LYPLAL1: variants seen among roughly 807,000 people sequenced by gnomAD.
LYPLAL1 encodes the protein lysophospholipase like 1.
A neutral mutation model predicts 19.7 loss-of-function variants in LYPLAL1; 23 were observed. The observed-to-expected ratio is 1.17, with a 90% confidence interval of 0.84 to 1.65. LYPLAL1 has a LOEUF of 1.65. Ranked by LOEUF, LYPLAL1 falls within the 40% of genes most tolerant of loss-of-function variation. LYPLAL1 has a pLI of 0.00. For synonymous variants in LYPLAL1, 119 were observed against 96.3 expected (o/e 1.24, Z -1.38); for missense variants, 355 against 279.4 (o/e 1.27, Z -1.93).
the LYPLAL1 span, among the ~76,000 whole-genome samples, chr1:219,240,377 G>A: frequency 6.6e-6 from 1 of 151,928 alleles, no homozygotes; most frequent in African/African-American, 2.4e-5. Context: ...ACAGACCTAG[G>A]GTTTTATATA....
At chr1:219,258,779 T>A in the LYPLAL1 span, among the ~76,000 whole-genome samples, 3 of 152,006 alleles carry the variant, frequency 2.0e-5, no homozygotes, top group Admixed American at 1.3e-4. Flanking sequence ...TGGGCCTTAA[T>A]TAAACTAAAA....
chr1:219,425,217 A>G, the LYPLAL1 span, among the ~76,000 whole-genome samples: 1 of 152,136 alleles, frequency 6.6e-6, no homozygotes, highest in African/African-American at 2.4e-5. Flanking sequence ...GTCCACTTTC[A>G]TGACTTAATC....
the LYPLAL1 span, among the ~76,000 whole-genome samples, chr1:219,249,986 T>C: frequency 6.6e-6 from 1 of 152,002 alleles, no homozygotes; most frequent in Non-Finnish European, 1.5e-5. Context: ...TCACTCTCTT[T>C]GTGGTGTCTT....
At position 219,210,683 on chromosome 1, in the gene LYPLAL1, T is replaced by C. The variant is rs773943662; in HGVS notation, c.477+36T>C. The C allele has an allele frequency of 2.9e-5, 46 of 1,573,226 alleles. 1 individual carries two copies. In the South Asian group the frequency reaches 5.0e-4, roughly 17 times the overall value. On this transcript the variant is annotated intron_variant, in intron 4 of 4. Transcript: ENST00000366928. ...GATTTAAAAAAAAATGAAAAAAATA[T>C]GAAATATATACATGTTAAAACTAAA...
At chr1:219,259,123 G>A in the LYPLAL1 span, among the ~76,000 whole-genome samples, 1 of 152,006 alleles carries the variant, frequency 6.6e-6, no homozygotes, top group African/African-American at 2.4e-5. Context: ...ATAGGTGTTG[G>A]TGTGGATGTG....
the LYPLAL1 span, among the ~76,000 whole-genome samples, chr1:219,425,455 A>C: frequency 1.3e-5 from 2 of 152,160 alleles, no homozygotes; most frequent in African/African-American, 4.8e-5. Flanking sequence ...TCTATCCTCT[A>C]CTGGCTCTAA....
chr1:219,427,885 GT>G, the LYPLAL1 span, among the ~76,000 whole-genome samples: 1 of 152,160 alleles, frequency 6.6e-6, no homozygotes. Flanking sequence ...TCCCAAATTA[GT>G]TTTTCTTGTA....
the LYPLAL1 span, among the ~76,000 whole-genome samples, chr1:219,297,848 A>G: frequency 6.6e-6 from 1 of 152,190 alleles, no homozygotes; most frequent in African/African-American, 2.4e-5. Flanking sequence ...GTAAAACACT[A>G]ACACAACAAA....
At chr1:219,380,548 T>C in the LYPLAL1 span, among the ~76,000 whole-genome samples, 2 of 152,246 alleles carry the variant, frequency 1.3e-5, no homozygotes, top group African/African-American at 4.8e-5. Flanking sequence ...GTCAGCCAAC[T>C]ATGCCCTTGT....
At chr1:219,413,088 G>A in the LYPLAL1 span, among the ~76,000 whole-genome samples, 1 of 152,038 alleles carries the variant, frequency 6.6e-6, no homozygotes, top group South Asian at 2.1e-4. Flanking sequence ...TAGGCAGGAT[G>A]TAACTGAGTC....
the LYPLAL1 span, among the ~76,000 whole-genome samples, chr1:219,280,367 C>G: frequency 6.6e-6 from 1 of 152,110 alleles, no homozygotes; most frequent in Non-Finnish European, 1.5e-5. Context: ...ACTATTATTC[C>G]TAATATCTTT....
the LYPLAL1 span, among the ~76,000 whole-genome samples, chr1:219,254,378 G>A: frequency 1.3e-5 from 2 of 151,962 alleles, no homozygotes; most frequent in Non-Finnish European, 2.9e-5. Flanking sequence ...TAGTGACACT[G>A]GTCTGTGGGT....
chr1:219,257,868 C>G, the LYPLAL1 span, among the ~76,000 whole-genome samples: 3 of 151,934 alleles, frequency 2.0e-5, no homozygotes, highest in African/African-American at 7.2e-5. Flanking sequence ...TGCAGGAGAC[C>G]AGGGCATATT....
chr1:219,308,337 G>T, the LYPLAL1 span, among the ~76,000 whole-genome samples: 74 of 152,300 alleles, frequency 4.9e-4, no homozygotes, highest in African/African-American at 1.7e-3. Context: ...CAATGTGATA[G>T]AAAAGAAAAT....
At chr1:219,286,253 A>C in the LYPLAL1 span, among the ~76,000 whole-genome samples, 1 of 152,136 alleles carries the variant, frequency 6.6e-6, no homozygotes, top group African/African-American at 2.4e-5. Context: ...CCATGAGATC[A>C]TTTGGGGACT....
the LYPLAL1 span, among the ~76,000 whole-genome samples, chr1:219,445,174 T>C: frequency 6.6e-6 from 1 of 152,064 alleles, no homozygotes. Context: ...GTTCCTATAC[T>C]GTAATTTTTT....
chr1:219,332,746 T>TA, the LYPLAL1 span, among the ~76,000 whole-genome samples: 1 of 151,538 alleles, frequency 6.6e-6, no homozygotes, highest in African/African-American at 2.4e-5. Flanking sequence ...TAAATGTTTT[T>TA]TTTTAAAGCA....
At chr1:219,361,445 A>AGT in the LYPLAL1 span, among the ~76,000 whole-genome samples, 1 of 152,118 alleles carries the variant, frequency 6.6e-6, no homozygotes, top group Non-Finnish European at 1.5e-5. Context: ...TTTGCTAGGG[A>AGT]GTGTGTGCAT....
chr1:219,196,308 T>TTCTGTTTTACAGAA (rs1201063387), intron 3 of LYPLAL1, among the ~76,000 whole-genome samples: 1 of 152,144 alleles, frequency 6.6e-6, no homozygotes, highest in African/African-American at 2.4e-5. Context: ...GTAAAAGTGT[T>TTCTGTTTTACAGAA]CCTGTTTCTC....
Sources: gnomAD v4.1 joint callset for allele counts (sites outside exome capture counted in the v4.1 genomes callset) on GRCh38, gnomAD v4.1.1 for gene constraint, MANE v1.5 for transcripts, NCBI Gene and HGNC (gene_info 2026-07-23, HGNC 2026-07-21) for gene names.